The following WDFY1 variants were observed in gnomAD, a reference collection of about 807,000 sequenced individuals.
WDFY1 encodes the protein WD repeat and FYVE domain containing 1.
Under a neutral mutation model 56.4 loss-of-function variants are expected in WDFY1, and 32 were observed. The ratio of observed to expected loss-of-function variants is 0.57; its 90% confidence interval spans 0.43 to 0.76. The LOEUF is 0.76. Ranked by LOEUF, WDFY1 falls within the 30% of genes least tolerant of loss-of-function variation. The pLI is 0.00. For missense variants in WDFY1, 480 were observed against 545.7 expected, an observed-to-expected ratio of 0.88 and a Z score of 1.20; for synonymous variants, 192 against 197.3, an observed-to-expected ratio of 0.97 and a Z score of 0.23.
At chr2:223,935,179 C>G (rs1416507625) in intron 1 of WDFY1, among the ~76,000 whole-genome samples, 2 of 152,142 alleles carry the variant, frequency 1.3e-5, no homozygotes, top group African/African-American at 2.4e-5. Context: ...GCACCCTCAT[C>G]TCCCCATTAA....
intron 1 of WDFY1, among the ~76,000 whole-genome samples, chr2:223,932,117 CTTTTTTTTTTTTTTT>C (rs35246074): frequency 1.1e-5 from 1 of 93,984 alleles, no homozygotes; most frequent in Non-Finnish European, 2.0e-5. Context: ...GTATGAGTAC[CTTTTTTTTTTTTTTT>C]TTTTTTTTGA....
chr2:223,942,527 CTTTTTT>C (rs57223015), intron 1 of WDFY1, among the ~76,000 whole-genome samples: 1,541 of 74,242 alleles, frequency 0.021, 114 homozygotes, highest in Middle Eastern at 0.094. Context: ...CAAAGGCTAA[CTTTTTT>C]TTTTTTTTTT....
At position 223,901,242 on chromosome 2, in the gene WDFY1, G is replaced by A. The variant is rs761949001; in HGVS notation, c.426C>T (p.Cys142=). The change falls in exon 5 of 12, where the codon TGC becomes TGT. Residue 142 remains cysteine, a synonymous_variant. Coordinates refer to ENST00000233055, the MANE Select transcript of WDFY1 (RefSeq NM_020830.5). ...TCCCGAGCATGTTCCCGCTCCGCGT[G>A]CACATCCAGCTCACACACTTGTCGT... ...TGHDKCVSWM[C]TRSGNMLGRH... 6.2e-7 allele frequency: 1 copy of A among 1,614,086 alleles called. No individual in the cohort carries two copies. The highest frequency in any genetic ancestry group is 8.5e-7 in the Non-Finnish European group (1 of 1,180,000).
At chr2:223,924,416 C>T (rs570068331) in intron 1 of WDFY1, among the ~76,000 whole-genome samples, 2 of 152,316 alleles carry the variant, frequency 1.3e-5, no homozygotes, top group Admixed American at 6.5e-5. Flanking sequence ...CAGGCTGGAG[C>T]GGTATGGCAC....
intron 1 of WDFY1, among the ~76,000 whole-genome samples, chr2:223,920,199 CAGA>C (rs1314440359): frequency 6.6e-6 from 1 of 152,226 alleles, no homozygotes; most frequent in Non-Finnish European, 1.5e-5. Context: ...TGAAGGCTGT[CAGA>C]AGATCTTTAA....
intron 1 of WDFY1, among the ~76,000 whole-genome samples, chr2:223,942,344 C>A (rs541308446): frequency 6.6e-6 from 1 of 151,436 alleles, no homozygotes; most frequent in Admixed American, 6.6e-5. Flanking sequence ...CTCAGCTTCC[C>A]GAGTAGCTGG....
At chr2:223,923,376 T>G (rs531210692) in intron 1 of WDFY1, among the ~76,000 whole-genome samples, 2 of 152,210 alleles carry the variant, frequency 1.3e-5, no homozygotes, top group Non-Finnish European at 2.9e-5. Flanking sequence ...AATTCCAGAC[T>G]AAAAAATTAC....
chr2:223,881,983 G>A lies in WDFY1; in HGVS notation c.1023C>T (p.Val341=). The A allele has an allele frequency of 3.1e-6, 5 of 1,614,024 alleles. No homozygotes were observed. Among genetic ancestry groups the A allele is most frequent in the Non-Finnish European group, 4.2e-6 (5 of 1,179,938 alleles). Residue 341 remains valine, a synonymous_variant, in exon 10 of 12, where the codon GTC becomes GTT. Coordinates refer to ENST00000233055, the MANE Select transcript of WDFY1 (RefSeq NM_020830.5). ...AGTCGTAACAAGAATCACAAACCCGGACTTGGAACTCGAAGCCCATGACTG... is the reference window on the plus strand; with the variant it reads ...AGTCGTAACAAGAATCACAAACCCGAACTTGGAACTCGAAGCCCATGACTG... ...SYPVMGFEFQ[V]RVCDSCYDSI... is the part of the protein sequence containing the mutation.
rs1692972643 is a variant in WDFY1 at position 223,876,423 on chromosome 2, G to C, written c.*2248C>G. The C allele has an allele frequency of 6.6e-6, 1 of 152,522 alleles. No individual in the cohort carries two copies. The highest frequency in any genetic ancestry group is 2.1e-4 in the South Asian group (1 of 4,828). The allele number at this position is 152,522 out of a possible 1,614,324, so 9.4% of individuals were successfully genotyped here. A position where few individuals can be genotyped will look rare whatever the true frequency, so the allele number is the denominator to read the frequency against. ...CTTCTATAAAAATATCACCCCATTT[G>C]CTACCTAGCATATGAGAGAGACAAG... On this transcript the variant is annotated 3_prime_UTR_variant, in exon 12 of 12. Transcript: ENST00000233055.
chr2:223,900,472 C>T (rs1247716221), intron 5 of WDFY1, among the ~76,000 whole-genome samples: 3 of 152,082 alleles, frequency 2.0e-5, no homozygotes, highest in African/African-American at 7.2e-5. Flanking sequence ...TTGATCTTGC[C>T]ATCACTAAGA....
At chr2:223,912,464 C>T (rs1339574365) in intron 2 of WDFY1, 138 bp from the exon 3 acceptor site, 14 of 553,826 alleles carry the variant, frequency 2.5e-5, no homozygotes, top group East Asian at 3.4e-5. Context: ...ATACAAATTA[C>T]GTAAATTGAA....
intron 1 of WDFY1, among the ~76,000 whole-genome samples, chr2:223,929,642 T>TA (rs1240665910): frequency 2.0e-5 from 3 of 151,912 alleles, no homozygotes; most frequent in Admixed American, 6.6e-5. Context: ...CCACCTTCTC[T>TA]AAAAAAAATT....
intron 1 of WDFY1, among the ~76,000 whole-genome samples, chr2:223,929,056 A>G (rs943365725): frequency 3.3e-5 from 5 of 152,178 alleles, no homozygotes; most frequent in Admixed American, 2.6e-4. Context: ...TCAGATGCAG[A>G]AGGACAGTGA....
At chr2:223,917,382 G>A (rs947491743) in intron 2 of WDFY1, among the ~76,000 whole-genome samples, 3 of 150,044 alleles carry the variant, frequency 2.0e-5, no homozygotes, top group African/African-American at 7.3e-5. Context: ...AAGAAAAACT[G>A]AGGAGAACAT....
At chr2:223,919,778 A>G (rs941657365) in intron 1 of WDFY1, among the ~76,000 whole-genome samples, 1 of 152,214 alleles carries the variant, frequency 6.6e-6, no homozygotes, top group Non-Finnish European at 1.5e-5. Context: ...TATTGATACC[A>G]TATGTTTCCA....
At chr2:223,930,948 G>A (rs1323299032) in intron 1 of WDFY1, among the ~76,000 whole-genome samples, 1 of 152,328 alleles carries the variant, frequency 6.6e-6, no homozygotes, top group East Asian at 1.9e-4. Context: ...GCACTGCCTA[G>A]GTGACCTGTA....
chr2:223,879,126 G>A (rs1411081144), intron 11 of WDFY1, among the ~76,000 whole-genome samples: 2 of 152,230 alleles, frequency 1.3e-5, no homozygotes, highest in Non-Finnish European at 2.9e-5. Context: ...GGCAGAGGTT[G>A]CACTGAACCG....
intron 11 of WDFY1, 78 bp downstream of exon 11, chr2:223,880,046 G>A (rs1559160894): frequency 8.1e-7 from 1 of 1,238,928 alleles, no homozygotes; most frequent in East Asian, 2.4e-5. Context: ...GTCAGAAAGA[G>A]TGACTGTCTC....
At chr2:223,880,349 G>A (rs1693044467) in intron 10 of WDFY1, 117 bp from the exon 11 acceptor site, 8 of 834,970 alleles carry the variant, frequency 9.6e-6, no homozygotes, top group Non-Finnish European at 1.9e-6. Flanking sequence ...GCTCATGTCT[G>A]TACCCCCAGC....
Sources: allele counts gnomAD v4.1 joint callset (sites outside exome capture counted in the v4.1 genomes callset), GRCh38; gene constraint gnomAD v4.1.1; transcripts MANE v1.5; gene names NCBI Gene and HGNC (gene_info 2026-07-23, HGNC 2026-07-21).